ERBB4: variants seen among roughly 807,000 people sequenced by gnomAD.
ERBB4 encodes erb-b2 receptor tyrosine kinase 4, also known as receptor tyrosine-protein kinase erbB-4.
In ERBB4, 42 loss-of-function variants were observed where a neutral mutation model predicts 158.0. That is an observed-to-expected ratio of 0.27 (90% confidence interval 0.21 to 0.34). The LOEUF is 0.34. ERBB4 is among the 10% of genes least tolerant of loss of function. The pLI, the probability that ERBB4 is intolerant of heterozygous loss-of-function variation, is 1.00. For synonymous variants in ERBB4, 583 were observed against 558.7 expected, an observed-to-expected ratio of 1.04 and a Z score of -0.61; for missense variants, 1,333 against 1,624.1, an observed-to-expected ratio of 0.82 and a Z score of 3.08.
intron 1 of ERBB4, among the ~76,000 whole-genome samples, chr2:212,529,235 T>A (rs571923557): frequency 6.6e-6 from 1 of 152,274 alleles, no homozygotes; most frequent in African/African-American, 2.4e-5. Flanking sequence ...AATGTTTAAA[T>A]GGCAGATAAG....
intron 1 of ERBB4, among the ~76,000 whole-genome samples, chr2:212,494,055 G>T (rs1359868619): frequency 6.6e-6 from 1 of 151,742 alleles, no homozygotes; most frequent in Admixed American, 6.6e-5. Flanking sequence ...ATAGTGGCCA[G>T]TATAACTATT....
chr2:211,838,589 T>C (rs1468577185), intron 3 of ERBB4, among the ~76,000 whole-genome samples: 1 of 152,106 alleles, frequency 6.6e-6, no homozygotes, highest in Non-Finnish European at 1.5e-5. Flanking sequence ...ACAATTCATA[T>C]CCTTATTGCA....
chr2:212,209,108 A>T (rs1033021593), intron 1 of ERBB4, among the ~76,000 whole-genome samples: 1 of 152,148 alleles, frequency 6.6e-6, no homozygotes, highest in Admixed American at 6.6e-5. Flanking sequence ...TTCTGACCTC[A>T]TAATTTCTTC....
intron 25 of ERBB4, among the ~76,000 whole-genome samples, chr2:211,396,728 C>T (rs563852799): frequency 2.2e-4 from 33 of 152,144 alleles, no homozygotes; most frequent in East Asian, 3.9e-4. Flanking sequence ...AACAATTTAA[C>T]GTAATACAGA....
chr2:212,266,188 T>C (rs1559881854), intron 1 of ERBB4, among the ~76,000 whole-genome samples: 1 of 151,884 alleles, frequency 6.6e-6, no homozygotes, highest in Non-Finnish European at 1.5e-5. Flanking sequence ...TCATTTTCTT[T>C]TCCTGGAAAC....
chr2:211,558,603 GA>G (rs906849861), intron 20 of ERBB4, among the ~76,000 whole-genome samples: 1 of 151,726 alleles, frequency 6.6e-6, no homozygotes, highest in South Asian at 2.1e-4. Flanking sequence ...TTGCACATGA[GA>G]AAAAAATATA....
intron 1 of ERBB4, among the ~76,000 whole-genome samples, chr2:212,348,672 G>T (rs1167224634): frequency 2.0e-5 from 3 of 152,052 alleles, no homozygotes; most frequent in Non-Finnish European, 4.4e-5. Flanking sequence ...TAGTTTCAAT[G>T]CCTAGGGCCA....
chr2:211,717,527 T>G (rs1334679489), intron 7 of ERBB4, among the ~76,000 whole-genome samples: 1 of 152,138 alleles, frequency 6.6e-6, no homozygotes, highest in Non-Finnish European at 1.5e-5. Context: ...TCAAAGCCTT[T>G]TTAAATAATC....
intron 2 of ERBB4, among the ~76,000 whole-genome samples, chr2:212,102,381 G>A (rs944692575): frequency 3.3e-5 from 5 of 151,594 alleles, no homozygotes; most frequent in Non-Finnish European, 7.4e-5. Context: ...TGACCATAAC[G>A]TGTTGATATC....
At chr2:212,491,555 G>T (rs956116026) in intron 1 of ERBB4, among the ~76,000 whole-genome samples, 2 of 151,546 alleles carry the variant, frequency 1.3e-5, no homozygotes, top group African/African-American at 4.8e-5. Flanking sequence ...CTTGAAATAG[G>T]TCTATCTTGG....
At chr2:212,428,367 T>G (rs2091959368) in intron 1 of ERBB4, among the ~76,000 whole-genome samples, 1 of 152,188 alleles carries the variant, frequency 6.6e-6, no homozygotes, top group Non-Finnish European at 1.5e-5. Flanking sequence ...GCCATTATAT[T>G]TCCTTGCCTC....
intron 2 of ERBB4, among the ~76,000 whole-genome samples, chr2:212,114,889 T>C (rs1419992952): frequency 6.6e-6 from 1 of 152,088 alleles, no homozygotes; most frequent in South Asian, 2.1e-4. Context: ...GTATACAGGG[T>C]ATCAAAGAAG....
rs1019918380 is a variant in ERBB4 at position 212,066,415 on chromosome 2, G to A, written c.234+58337C>T. On this transcript the variant is annotated intron_variant, in intron 2 of 27. Transcript: ENST00000342788. ...CTTTTGGACATTTTGTAAGGACCCC[G>A]GGAAGTACAAAAGAGAAATATTGGG... Among the ~76,000 whole-genome samples the A allele has an allele frequency of 5.9e-5, 9 of 151,850 alleles. No individual in the cohort carries two copies. The East Asian group carries it at 9.6e-4, about 16-fold the overall frequency.
chr2:211,384,150 T>G (rs528786676), intron 27 of ERBB4, 90 bp from the exon 28 acceptor site: 1 of 924,760 alleles, frequency 1.1e-6, no homozygotes, highest in South Asian at 1.5e-5. Flanking sequence ...CTTCTTTGTC[T>G]AGAACAAAAA....
intron 2 of ERBB4, among the ~76,000 whole-genome samples, chr2:212,021,515 T>TA (rs755787610): frequency 6.6e-6 from 1 of 152,118 alleles, no homozygotes; most frequent in Non-Finnish European, 1.5e-5. Context: ...ACTGGTTAGC[T>TA]ATATGCAGAA....
chr2:212,291,687 GA>G (rs2086211382), intron 1 of ERBB4, among the ~76,000 whole-genome samples: 1 of 151,984 alleles, frequency 6.6e-6, no homozygotes, highest in Admixed American at 6.6e-5. Context: ...ATGAACATTA[GA>G]GATTTTTGGG....
chr2:212,453,944 C>CT (rs5838332), intron 1 of ERBB4, among the ~76,000 whole-genome samples: 120 of 145,580 alleles, frequency 8.2e-4, no homozygotes, highest in South Asian at 2.2e-3. Context: ...TATTCCTTAA[C>CT]TTTTTTTTTT....
At chr2:211,538,353 T>C (rs373648991) in intron 20 of ERBB4, among the ~76,000 whole-genome samples, 10 of 151,854 alleles carry the variant, frequency 6.6e-5, no homozygotes, top group East Asian at 1.9e-4. Flanking sequence ...CCTTATACAA[T>C]AGATAGAAAA....
intron 22 of ERBB4, among the ~76,000 whole-genome samples, chr2:211,427,489 T>A (rs1574470151): frequency 6.6e-6 from 1 of 152,130 alleles, no homozygotes; most frequent in African/African-American, 2.4e-5. Flanking sequence ...CACAATAAAA[T>A]AAATGTTCTA....
Sources: allele counts gnomAD v4.1 joint callset (sites outside exome capture counted in the v4.1 genomes callset), GRCh38; gene constraint gnomAD v4.1.1; transcripts MANE v1.5; gene names NCBI Gene and HGNC (gene_info 2026-07-23, HGNC 2026-07-21).